PALS2: variants seen among roughly 807,000 people sequenced by gnomAD.
PALS2 encodes the protein protein PALS2.
A neutral mutation model predicts 61.6 loss-of-function variants in PALS2; 27 were observed. The ratio of observed to expected loss-of-function variants is 0.44; its 90% confidence interval spans 0.32 to 0.60. The LOEUF (loss-of-function observed/expected upper bound fraction) is 0.60. PALS2 is among the 20% of genes least tolerant of loss of function. The probability of loss-of-function intolerance (pLI) is 0.05; values close to 1 mark genes in which losing one functional copy is unlikely to be tolerated. For missense variants in PALS2, 554 were observed against 639.4 expected (o/e 0.87, Z 1.44); for synonymous variants, 236 against 218.6 (o/e 1.08, Z -0.70).
Position 24,587,531 on chromosome 7 carries a change from A to AT in PALS2, c.-3+13956dup, listed in dbSNP as rs11310808. Reference sequence around the variant, plus strand: ...AGGTCCACACCACTATGCCCAGCTAATTTTTTTTTTTTTTTTTTAATGTTT... The same window carrying AT: ...AGGTCCACACCACTATGCCCAGCTAATTTTTTTTTTTTTTTTTTTAATGTTT... On this transcript the variant is annotated intron_variant, in intron 1 of 11. Transcript: ENST00000222644. Among the ~76,000 whole-genome samples the AT allele has an allele frequency of 6.0e-3, 848 of 140,994 alleles. 3 individuals carry two copies. The highest frequency in any genetic ancestry group is 0.017 in the East Asian group (80 of 4,832). 92.5% of individuals were successfully genotyped at this position (140,994 alleles called of 152,430 possible).
chr7:24,691,405 G>GTGTATATATATA lies in PALS2; in HGVS notation c.*3792_*3793insGTATATATATAT, dbSNP rs1274329385. 3 of 110,596 alleles carry GTGTATATATATA rather than the reference G, an allele frequency of 2.7e-5. No individual in the cohort carries two copies. Among genetic ancestry groups the GTGTATATATATA allele is most frequent in the Non-Finnish European group, 3.8e-5 (2 of 52,308 alleles). The allele number at this position is 110,596 out of a possible 1,614,324, so 6.9% of individuals were successfully genotyped here. ...ATATTATGTATGTGTGTGTGTGTGT[G>GTGTATATATATA]TATATATATATATATATATATATAT... On this transcript the variant is annotated 3_prime_UTR_variant, in exon 12 of 12. Coordinates refer to ENST00000222644, the MANE Select transcript of PALS2 (RefSeq NM_001303037.2).
chr7:24,645,190 T>G (rs1453298870), intron 3 of PALS2, among the ~76,000 whole-genome samples: 1 of 152,166 alleles, frequency 6.6e-6, no homozygotes, highest in East Asian at 1.9e-4. Context: ...GATGTCTTTG[T>G]TGTGAAATCT....
chr7:24,598,322 T>C (rs1270455683), intron 1 of PALS2, among the ~76,000 whole-genome samples: 1 of 152,176 alleles, frequency 6.6e-6, no homozygotes, highest in Non-Finnish European at 1.5e-5. Context: ...ATATTTTTAG[T>C]TCATTTTATT....
At chr7:24,685,215 A>G (rs1788133204) in intron 11 of PALS2, among the ~76,000 whole-genome samples, 1 of 152,158 alleles carries the variant, frequency 6.6e-6, no homozygotes, top group African/African-American at 2.4e-5. Context: ...TTTTAAAGCC[A>G]CTGAAATAAT....
chr7:24,623,543 CAA>C (rs917292494), intron 1 of PALS2, 121 bp from the exon 2 acceptor site: 1 of 564,726 alleles, frequency 1.8e-6, no homozygotes, highest in African/African-American at 1.9e-5. Flanking sequence ...GTTATTTTTC[CAA>C]AGAGTATTCT....
intron 2 of PALS2, among the ~76,000 whole-genome samples, chr7:24,640,840 C>T (rs545684391): frequency 1.3e-5 from 2 of 151,816 alleles, no homozygotes; most frequent in African/African-American, 4.8e-5. Context: ...AACCCTGTCT[C>T]TACTAAAAAT....
intron 3 of PALS2, among the ~76,000 whole-genome samples, chr7:24,645,493 A>G (rs927397257): frequency 6.6e-6 from 1 of 152,154 alleles, no homozygotes; most frequent in African/African-American, 2.4e-5. Flanking sequence ...TTTTTGTACC[A>G]GTATCATGCT....
chr7:24,637,200 C>G (rs1785278590), intron 2 of PALS2, among the ~76,000 whole-genome samples: 1 of 151,170 alleles, frequency 6.6e-6, no homozygotes, highest in South Asian at 2.1e-4. Context: ...TGTAACTTAT[C>G]TAATCTCGGA....
intron 2 of PALS2, 150 bp downstream of exon 2, chr7:24,623,934 T>A: frequency 2.1e-6 from 2 of 967,984 alleles, no homozygotes; most frequent in Non-Finnish European, 3.1e-6. Context: ...AATCTTAACA[T>A]ATGCAAAAAT....
rs1365077714 is a variant in PALS2 at position 24,693,815 on chromosome 7, C to A, written c.*6201C>A. The A allele has an allele frequency of 6.6e-6, 1 of 152,062 alleles. No homozygotes were observed. Among genetic ancestry groups the A allele is most frequent in the Non-Finnish European group, 1.5e-5 (1 of 67,998 alleles). The allele number at this position is 152,062 out of a possible 1,614,324, so 9.4% of individuals were successfully genotyped here. On this transcript the variant is annotated 3_prime_UTR_variant, in exon 12 of 12. Coordinates refer to ENST00000222644, the MANE Select transcript of PALS2 (RefSeq NM_001303037.2). ...TAGTATTCAGCAACAAGTGCAATTT[C>A]TCCATGTTATGTTGAGCTCTGTTGG...
At chr7:24,585,043 C>A (rs2128041023) in intron 1 of PALS2, among the ~76,000 whole-genome samples, 1 of 151,894 alleles carries the variant, frequency 6.6e-6, no homozygotes, top group African/African-American at 2.4e-5. Context: ...GGTACCAGTC[C>A]CATGCTGTTT....
chr7:24,644,908 C>G (rs967203312), intron 3 of PALS2, among the ~76,000 whole-genome samples: 1 of 152,050 alleles, frequency 6.6e-6, no homozygotes, highest in Non-Finnish European at 1.5e-5. Context: ...TGATATTGAG[C>G]TTTTTTTCAT....
intron 9 of PALS2, among the ~76,000 whole-genome samples, chr7:24,671,468 C>G (rs908957201): frequency 6.6e-6 from 1 of 152,182 alleles, no homozygotes; most frequent in African/African-American, 2.4e-5. Flanking sequence ...TATTTTCTCT[C>G]ATTCTTTGTT....
Position 24,623,705 on chromosome 7 carries a change from C to T in PALS2, c.38C>T (p.Ser13Leu), listed in dbSNP as rs771037950. The change falls in exon 2 of 12, where the codon TCG becomes TTG. Residue 13 changes from serine to leucine, a missense_variant. Physicochemically the swap from Ser to Leu is moderately radical, Grantham distance 145. Transcript: ENST00000222644. ...TTGGAAAACCTTACGGAGCTGCCCT[C>T]GTCTACTGGAGCAGAAGAAATAGAC... ...QVLENLTELPSSTGAEEIDLI... is the reference protein window; with the variant it reads ...QVLENLTELPLSTGAEEIDLI... 40 of 1,607,014 alleles carry T rather than the reference C, an allele frequency of 2.5e-5. No homozygotes were observed. Among genetic ancestry groups the T allele is most frequent in the Non-Finnish European group, 3.1e-5 (36 of 1,177,384 alleles).
At chr7:24,589,309 T>C (rs1003947727) in intron 1 of PALS2, 1 of 152,214 alleles carries the variant, frequency 6.6e-6, no homozygotes, top group Non-Finnish European at 1.5e-5. Context: ...AGTGATATAC[T>C]CTGGAGCTGT....
At chr7:24,598,234 A>C (rs1242867097) in intron 1 of PALS2, among the ~76,000 whole-genome samples, 1 of 152,238 alleles carries the variant, frequency 6.6e-6, no homozygotes, top group African/African-American at 2.4e-5. Context: ...AGGACTTGTG[A>C]AAAGTTCTAC....
intron 9 of PALS2, among the ~76,000 whole-genome samples, chr7:24,672,522 A>C (rs1053435333): frequency 6.6e-6 from 1 of 152,008 alleles, no homozygotes; most frequent in Admixed American, 6.6e-5. Context: ...CTATATTAAC[A>C]GTATTAATTC....
intron 1 of PALS2, among the ~76,000 whole-genome samples, chr7:24,603,783 G>T (rs1282515053): frequency 6.6e-6 from 1 of 152,062 alleles, no homozygotes; most frequent in African/African-American, 2.4e-5. Flanking sequence ...TGTCCTGACA[G>T]CATACCTTGG....
At chr7:24,662,075 T>C (rs1300930518) in intron 5 of PALS2, among the ~76,000 whole-genome samples, 1 of 152,202 alleles carries the variant, frequency 6.6e-6, no homozygotes, top group Non-Finnish European at 1.5e-5. Context: ...TTTTTAGATC[T>C]AAAATTATAT....
Sources: allele counts gnomAD v4.1 joint callset (sites outside exome capture counted in the v4.1 genomes callset), GRCh38; gene constraint gnomAD v4.1.1; transcripts MANE v1.5; gene names NCBI Gene and HGNC (gene_info 2026-07-23, HGNC 2026-07-21).